DSCAML1: variants seen among roughly 807,000 people sequenced by gnomAD.
DSCAML1 encodes cell adhesion molecule DSCAML1.
In DSCAML1, 38 loss-of-function variants were observed where a neutral mutation model predicts 200.5. The observed-to-expected ratio is 0.19, with a 90% CI of 0.15 to 0.25. The LOEUF (loss-of-function observed/expected upper bound fraction) is 0.25. Among genes scored for constraint, DSCAML1 ranks in the 10% least tolerant of loss-of-function variants. The pLI is 1.00. For missense variants in DSCAML1, 2,223 were observed against 2,858.8 expected, an observed-to-expected ratio of 0.78 and a Z score of 5.07; for synonymous variants, 1,215 against 1,165.0, an observed-to-expected ratio of 1.04 and a Z score of -0.87.
intron 3 of DSCAML1, among the ~76,000 whole-genome samples, chr11:117,597,252 C>T (rs1002491741): frequency 1.3e-5 from 2 of 152,218 alleles, no homozygotes; most frequent in South Asian, 2.1e-4. Flanking sequence ...ACTTTAATCA[C>T]TAAGACAGGA....
rs1415627207 is a variant in DSCAML1 at position 117,516,633 on chromosome 11, G to A, written c.1617C>T (p.Tyr539=). Residue 539 remains tyrosine (Y), a synonymous_variant, in exon 8 of 33, where the codon TAC becomes TAT. Transcript: ENST00000651296. This position sits in a 1 kb window ranked among gnomAD's most constrained non-coding sequence, Gnocchi z 5.7. ...TGTCTGGCAGCAGCAGGGCATCCTT[G>A]TACCACTTGATGGAGTAGTAGGGAT... The part of the protein sequence containing the change: ...IGYPYYSIKW[Y]KDALLLPDNH... 1.2e-6 allele frequency: 2 copies of A among 1,614,130 alleles called. No homozygotes were observed. Among genetic ancestry groups the A allele is most frequent in the Admixed American group, 1.7e-5 (1 of 60,026 alleles).
rs1455468067 is a variant in DSCAML1 at position 117,428,182 on chromosome 11, C to T, written c.*146G>A. ...CATTTGTACAAAAGAGTTCTATGTA[C>T]AGGCGTTCATGATTGGGGGTTTTTG... is the stretch of plus-strand genomic sequence containing the variant. On this transcript the variant is annotated 3_prime_UTR_variant, in exon 33 of 33. Coordinates refer to ENST00000651296, the MANE Select transcript of DSCAML1 (RefSeq NM_020693.4). 1.6e-6 allele frequency: 1 copy of T among 612,408 alleles called. No homozygotes were observed. Among genetic ancestry groups the T allele is most frequent in the Non-Finnish European group, 2.9e-6 (1 of 341,204 alleles). The allele number at this position is 612,408 out of a possible 1,614,324, so 37.9% of individuals were successfully genotyped here.
rs540660583 is a variant in DSCAML1, at chr11:117,691,897, T to C, written c.511+84894A>G. 2.7e-4 allele frequency among the ~76,000 whole-genome samples: 41 copies of C among 152,232 alleles called. 1 individual carries two copies. The highest frequency in any genetic ancestry group is 9.6e-4 in the African/African-American group (40 of 41,552). On this transcript the variant is annotated intron_variant, in intron 3 of 32. Coordinates refer to ENST00000651296, the MANE Select transcript of DSCAML1 (RefSeq NM_020693.4). ...AGGGTGGGTGGGGCTGCAGGGGGCCTTACTGCAGGAGGGCACTGTCCTCCA... is the reference window on the plus strand; with the variant it reads ...AGGGTGGGTGGGGCTGCAGGGGGCCCTACTGCAGGAGGGCACTGTCCTCCA...
chr11:117,690,458 A>G (rs1176899767), intron 3 of DSCAML1, among the ~76,000 whole-genome samples: 1 of 152,232 alleles, frequency 6.6e-6, no homozygotes, highest in Admixed American at 6.5e-5. Flanking sequence ...GCCTTTCAAC[A>G]TCAGTCGCAT....
chr11:117,582,273 C>T (rs897418036), intron 3 of DSCAML1, among the ~76,000 whole-genome samples: 5 of 152,126 alleles, frequency 3.3e-5, no homozygotes, highest in Admixed American at 1.3e-4. Flanking sequence ...ATGGTTTGAA[C>T]CCACAAAACT....
rs777963084 is a variant in DSCAML1 at position 117,608,279 on chromosome 11, G to A, written c.512-75757C>T. 2.4e-4 allele frequency among the ~76,000 whole-genome samples: 36 copies of A among 152,296 alleles called. 2 individuals are homozygous for A. Among genetic ancestry groups the A allele is most frequent in the Middle Eastern group, 6.8e-3 (2 of 294 alleles). On this transcript the variant is annotated intron_variant, in intron 3 of 32. Transcript: ENST00000651296. ...GATCTGATATGGTGAACACAGCCTT[G>A]CAAATAAATGTAACTTTTATTGAAT...
chr11:117,458,991 C>T, intron 18 of DSCAML1, 82 bp from the exon 19 acceptor site: 3 of 1,535,524 alleles, frequency 2.0e-6, no homozygotes, highest in South Asian at 2.5e-5. Context: ...TGGGCTCTGC[C>T]CACACCTACT....
At chr11:117,813,477 T>A (rs1380293848) in intron 1 of DSCAML1, among the ~76,000 whole-genome samples, 6 of 152,240 alleles carry the variant, frequency 3.9e-5, no homozygotes, top group Non-Finnish European at 4.4e-5. Flanking sequence ...AAATTGCCAC[T>A]CTTAACTCTT....
chr11:117,428,711 C>G lies in DSCAML1; in HGVS notation c.5779G>C (p.Glu1927Gln). 1 of 1,613,240 alleles carries G rather than the reference C, an allele frequency of 6.2e-7. No homozygotes were observed. Among genetic ancestry groups the G allele is most frequent in the Non-Finnish European group, 8.5e-7 (1 of 1,179,762 alleles). The change falls in exon 33 of 33, where the codon GAG (glutamate) becomes CAG (glutamine). Residue 1927 changes from glutamate to glutamine, a missense_variant. Around this residue, in one of 7 missense-constraint regions of DSCAML1, gnomAD observed 280 missense variants for 213.4 expected, o/e 1.31. Transcript: ENST00000651296. ...CGAGCCAGGTTCCGGATGGAGGCCT[C>G]ACGGGGTGGGACCACGGGGCAGGGC... ...REPCPVVPPR[E>Q]ASIRNLARTY...
chr11:117,591,084 T>C (rs1250864061), intron 3 of DSCAML1, among the ~76,000 whole-genome samples: 2 of 152,224 alleles, frequency 1.3e-5, no homozygotes, highest in African/African-American at 4.8e-5. Context: ...ATAATTATTT[T>C]GAGAATGGAA....
chr11:117,459,914 C>T (rs1424128862), intron 18 of DSCAML1, among the ~76,000 whole-genome samples: 1 of 152,206 alleles, frequency 6.6e-6, no homozygotes, highest in East Asian at 1.9e-4. Context: ...AGGCTGTGCC[C>T]AGCGTGAGAA....
At chr11:117,606,633 C>T (rs545299516) in intron 3 of DSCAML1, among the ~76,000 whole-genome samples, 4 of 152,300 alleles carry the variant, frequency 2.6e-5, no homozygotes, top group South Asian at 2.1e-4. Flanking sequence ...GGGTTCCATC[C>T]GTCCTTCCAC....
chr11:117,712,133 G>A lies in DSCAML1; in HGVS notation c.511+64658C>T, dbSNP rs148431585. Reference sequence around the variant, plus strand: ...CATTTATTTTATTTTTTTTAAACACGTTGCACTGAAATAAAAAATGCATGC... The same window carrying A: ...CATTTATTTTATTTTTTTTAAACACATTGCACTGAAATAAAAAATGCATGC... On this transcript the variant is annotated intron_variant, in intron 3 of 32. Transcript: ENST00000651296. Among the ~76,000 whole-genome samples the A allele has an allele frequency of 2.0e-3, 307 of 151,816 alleles. 7 individuals carry two copies. The highest frequency in any genetic ancestry group is 2.0e-3 in the Non-Finnish European group (138 of 67,934).
intron 3 of DSCAML1, among the ~76,000 whole-genome samples, chr11:117,534,607 A>G (rs1306184203): frequency 6.6e-6 from 1 of 152,008 alleles, no homozygotes; most frequent in African/African-American, 2.4e-5. Context: ...TTAGGATTTT[A>G]TTTTCATTTT....
At chr11:117,524,587 A>G (rs2049940866) in intron 5 of DSCAML1, among the ~76,000 whole-genome samples, 1 of 152,228 alleles carries the variant, frequency 6.6e-6, no homozygotes, top group East Asian at 1.9e-4. Context: ...TGATTTGCCC[A>G]AAGTCAGTTA....
intron 30 of DSCAML1, among the ~76,000 whole-genome samples, 181 bp from the exon 31 acceptor site, chr11:117,431,909 A>G (rs2047806201): frequency 6.7e-6 from 1 of 150,284 alleles, no homozygotes; most frequent in Admixed American, 6.6e-5. Flanking sequence ...AGAGCAATCG[A>G]GTCAAGGTTG....
intron 3 of DSCAML1, among the ~76,000 whole-genome samples, chr11:117,547,270 A>G (rs1019652578): frequency 6.6e-6 from 1 of 152,004 alleles, no homozygotes; most frequent in Admixed American, 6.5e-5. Flanking sequence ...CTCTCACTCC[A>G]TGTGTCAGAT....
At position 117,679,531 on chromosome 11, in the gene DSCAML1, C is replaced by T. The variant is rs766644994; in HGVS notation, c.511+97260G>A. Among the ~76,000 whole-genome samples the T allele has an allele frequency of 5.9e-5, 9 of 152,306 alleles. 1 individual carries two copies. The highest frequency in any genetic ancestry group is 6.8e-3 in the Middle Eastern group (2 of 294). ...TTTCTCTGACAACCTTGGCCATACC[C>T]GGTACCCCAGCATAGCCTGCTCATA... On this transcript the variant is annotated intron_variant, in intron 3 of 32. Transcript: ENST00000651296.
At position 117,469,962 on chromosome 11, in the gene DSCAML1, A is replaced by G. The variant is rs1181000558; in HGVS notation, c.2972T>C (p.Met991Thr). 2.5e-6 allele frequency: 4 copies of G among 1,606,162 alleles called. No homozygotes were observed. The highest frequency in any genetic ancestry group is 3.4e-6 in the Non-Finnish European group (4 of 1,174,806). The change falls in exon 16 of 33, where the codon ATG (methionine) becomes ACG (threonine). Residue 991 changes from methionine (M) to threonine (T), a missense_variant. Physicochemically the swap from Met to Thr is moderately conservative, Grantham distance 81 (BLOSUM62 -1). Around this residue, in one of 7 missense-constraint regions of DSCAML1, gnomAD observed 438 missense variants for 629.7 expected, o/e 0.70. Transcript: ENST00000651296. The surrounding 1 kb of genome is among the most constrained non-coding windows in gnomAD (Gnocchi z 4.1). ...TEEAAPDGPP[M>T]DVTLQPVTSQ... is the part of the protein sequence containing the mutation. ...GGTCACTGGCTGCAAGGTAACATCC[A>G]TGGGGGGCCCATCGGGAGCTGAGCA...
Sources: allele counts gnomAD v4.1 joint callset (sites outside exome capture counted in the v4.1 genomes callset), GRCh38; gene constraint gnomAD v4.1.1; regional missense constraint gnomAD v4.1.1; non-coding constraint Gnocchi (gnomAD v3.1); transcripts MANE v1.5; gene names NCBI Gene and HGNC (gene_info 2026-07-23, HGNC 2026-07-21).